Variants in SLIT3 observed in about 807,000 individuals in gnomAD.
SLIT3 encodes the protein slit homolog 3 protein.
SLIT3 carries 68 observed loss-of-function variants against 184.0 expected under a neutral mutation model. The observed-to-expected ratio is 0.37, with a 90% CI of 0.30 to 0.45. SLIT3 has a LOEUF of 0.45. SLIT3 is among the 20% of genes least tolerant of loss of function. The pLI is 1.00. For missense variants in SLIT3, 1,707 were observed against 2,026.0 expected (o/e 0.84, Z 3.02); for synonymous variants, 831 against 828.6 (o/e 1.00, Z -0.05).
chr5:168,794,615 T>C (rs908780183), intron 10 of SLIT3, among the ~76,000 whole-genome samples: 4 of 152,184 alleles, frequency 2.6e-5, no homozygotes, highest in Admixed American at 6.5e-5. Flanking sequence ...CTAATGGGGA[T>C]GTAGGGGGTG....
intron 29 of SLIT3, among the ~76,000 whole-genome samples, chr5:168,690,122 C>A (rs1246798842): frequency 2.0e-5 from 3 of 151,336 alleles, no homozygotes; most frequent in Non-Finnish European, 4.4e-5. Flanking sequence ...CCCTTGACCA[C>A]GTTTTTGTTT....
At chr5:168,944,724 G>T (rs1281443276) in intron 4 of SLIT3, among the ~76,000 whole-genome samples, 1 of 152,142 alleles carries the variant, frequency 6.6e-6, no homozygotes, top group East Asian at 1.9e-4. Flanking sequence ...AAACTAAAAG[G>T]GTACCTTCCA....
rs182039445 is a variant in SLIT3, at chr5:169,167,389, C to T, written c.413+26090G>A. On this transcript the variant is annotated intron_variant, in intron 4 of 35. Coordinates refer to ENST00000519560, the MANE Select transcript of SLIT3 (RefSeq NM_003062.4). ...TCCCAAGTTTGCGCCATTCTCCTGCCTCAGCCTCCCGAGTAGCTGGGATTA... is the reference window on the plus strand; with the variant it reads ...TCCCAAGTTTGCGCCATTCTCCTGCTTCAGCCTCCCGAGTAGCTGGGATTA... Among the ~76,000 whole-genome samples, 67 of 150,858 alleles carry T rather than the reference C, an allele frequency of 4.4e-4. No individual in the cohort carries two copies. The East Asian group carries it at 0.012, about 26-fold the overall frequency.
rs562904592 is a variant in SLIT3, at chr5:169,042,949, C to A, written c.413+150530G>T. Among the ~76,000 whole-genome samples, 3 of 152,266 alleles carry A rather than the reference C, an allele frequency of 2.0e-5. No individual in the cohort carries two copies. In the South Asian group the frequency reaches 6.2e-4, roughly 32 times the overall value. ...CCTAATCTAGTTAATGTTTCATTAT[C>A]CATAAAACAAAAGGGTGTTTACTGG... On this transcript the variant is annotated intron_variant, in intron 4 of 35. Coordinates refer to ENST00000519560, the MANE Select transcript of SLIT3 (RefSeq NM_003062.4).
At chr5:168,804,577 G>T (rs990428255) in intron 9 of SLIT3, among the ~76,000 whole-genome samples, 5 of 152,144 alleles carry the variant, frequency 3.3e-5, no homozygotes, top group African/African-American at 1.2e-4. Context: ...TGAATTGTCA[G>T]TATTTGTGGA....
At chr5:168,971,942 G>A (rs2113325390) in intron 4 of SLIT3, among the ~76,000 whole-genome samples, 1 of 152,326 alleles carries the variant, frequency 6.6e-6, no homozygotes, top group Non-Finnish European at 1.5e-5. Context: ...TATAGTTAGG[G>A]AAATAGGGAA....
chr5:169,048,063 C>G (rs1757687388), intron 4 of SLIT3, among the ~76,000 whole-genome samples: 1 of 152,172 alleles, frequency 6.6e-6, no homozygotes. Context: ...CTCTCAAGAT[C>G]CACTAATTGC....
intron 4 of SLIT3, among the ~76,000 whole-genome samples, chr5:169,028,989 G>T (rs1756931193): frequency 6.6e-6 from 1 of 152,170 alleles, no homozygotes; most frequent in Admixed American, 6.5e-5. Flanking sequence ...GTGTGTGATG[G>T]CTGTGGAGCT....
chr5:169,008,772 G>A (rs986101072), intron 4 of SLIT3, among the ~76,000 whole-genome samples: 2 of 152,098 alleles, frequency 1.3e-5, no homozygotes, highest in African/African-American at 4.8e-5. Flanking sequence ...TTTTCAAATG[G>A]AAAGTATTCC....
At chr5:168,704,046 T>C (rs1469173286) in intron 26 of SLIT3, among the ~76,000 whole-genome samples, 1 of 148,054 alleles carries the variant, frequency 6.8e-6, no homozygotes, top group African/African-American at 2.5e-5. Context: ...TCCTTACTTC[T>C]CAAAGCGTGC....
At chr5:168,944,906 T>C (rs1431912342) in intron 4 of SLIT3, among the ~76,000 whole-genome samples, 2 of 152,134 alleles carry the variant, frequency 1.3e-5, no homozygotes, top group East Asian at 3.9e-4. Flanking sequence ...AATAAACCCA[T>C]GCCAACCTCG....
chr5:168,848,741 C>T (rs1758570286), intron 5 of SLIT3, among the ~76,000 whole-genome samples: 1 of 151,968 alleles, frequency 6.6e-6, no homozygotes, highest in African/African-American at 2.4e-5. Context: ...AGAATATAAA[C>T]AAGGCAGAAA....
intron 4 of SLIT3, among the ~76,000 whole-genome samples, chr5:169,055,273 A>C (rs1757955244): frequency 6.6e-6 from 1 of 152,220 alleles, no homozygotes; most frequent in Non-Finnish European, 1.5e-5. Flanking sequence ...ATTGTAGATT[A>C]GAAAGATGGA....
chr5:169,200,770 C>A (rs746347102), intron 3 of SLIT3, among the ~76,000 whole-genome samples: 15 of 152,180 alleles, frequency 9.9e-5, no homozygotes, highest in Non-Finnish European at 1.0e-4. Context: ...CCTTGGTTTC[C>A]TCACCTGTCT....
chr5:168,967,661 C>T (rs1478460945), intron 4 of SLIT3, among the ~76,000 whole-genome samples: 4 of 139,506 alleles, frequency 2.9e-5, no homozygotes, highest in African/African-American at 1.0e-4. Context: ...GGGATGGTCT[C>T]GATCTCCTGA....
At chr5:169,216,943 A>G (rs1764454431) in intron 3 of SLIT3, among the ~76,000 whole-genome samples, 1 of 152,096 alleles carries the variant, frequency 6.6e-6, no homozygotes, top group Admixed American at 6.5e-5. Flanking sequence ...GCCGTACTTC[A>G]GTTAAAAGAC....
In SLIT3 at chr5:169,043,093, A is replaced by T. The variant is rs113965461; in HGVS notation, c.413+150386T>A. The stretch of plus-strand genomic sequence containing the variant: ...GACTGTCTCTGTACTGACACTTTAT[A>T]TAAGTAATCTCATTTACTTCTCAAA... On this transcript the variant is annotated intron_variant, in intron 4 of 35. Coordinates refer to ENST00000519560, the MANE Select transcript of SLIT3 (RefSeq NM_003062.4). Among the ~76,000 whole-genome samples, 262 of 152,346 alleles carry T rather than the reference A, an allele frequency of 1.7e-3. 2 individuals carry two copies. Among genetic ancestry groups the T allele is most frequent in the African/African-American group, 5.8e-3 (241 of 41,584 alleles).
At chr5:168,748,680 C>T (rs747407023) in intron 19 of SLIT3, among the ~76,000 whole-genome samples, 3 of 152,084 alleles carry the variant, frequency 2.0e-5, no homozygotes, top group Admixed American at 6.5e-5. Context: ...AAGAGGTCAC[C>T]GTTAACCATA....
intron 4 of SLIT3, among the ~76,000 whole-genome samples, chr5:169,086,955 G>A (rs771022084): frequency 3.3e-5 from 5 of 152,194 alleles, no homozygotes; most frequent in African/African-American, 4.8e-5. Context: ...AGAAACTGCT[G>A]AGCATAAAAG....
Sources: allele counts gnomAD v4.1 joint callset (sites outside exome capture counted in the v4.1 genomes callset), GRCh38; gene constraint gnomAD v4.1.1; transcripts MANE v1.5; gene names NCBI Gene and HGNC (gene_info 2026-07-23, HGNC 2026-07-21).